The following NVL variants were observed in gnomAD, a reference collection of about 807,000 sequenced individuals.
NVL encodes nuclear VCP like.
A neutral mutation model predicts 110.2 loss-of-function variants in NVL; 84 were observed. That is an observed-to-expected ratio of 0.76 (90% CI 0.64 to 0.91). NVL has a LOEUF of 0.91. Among genes scored for constraint, NVL ranks in the 40% least tolerant of loss-of-function variants. The probability of loss-of-function intolerance (pLI) is 0.00; values close to 1 mark genes in which losing one functional copy is unlikely to be tolerated. For missense variants in NVL, 882 were observed against 1,035.9 expected (o/e 0.85, Z 2.04); for synonymous variants, 354 against 361.1 (o/e 0.98, Z 0.22).
chr1:224,227,732 C>A, intron 22 of NVL, 62 bp from the exon 23 acceptor site: 1 of 1,524,926 alleles, frequency 6.6e-7, no homozygotes, highest in Non-Finnish European at 9.0e-7. Flanking sequence ...CTGAATGGTG[C>A]CCCCCAAAAT....
chr1:224,301,600 G>C (rs1668415359), intron 9 of NVL: 1 of 228,632 alleles, frequency 4.4e-6, no homozygotes, highest in South Asian at 3.7e-5. Flanking sequence ...AGAGGAGTTT[G>C]AGACCAGCCT....
intron 18 of NVL, among the ~76,000 whole-genome samples, chr1:224,254,912 C>T (rs1338919058): frequency 2.2e-5 from 3 of 136,472 alleles, no homozygotes; most frequent in Admixed American, 1.6e-4. Context: ...GAGTCTCTGT[C>T]GCCAGGCTGG....
Position 224,288,008 on chromosome 1 carries a change from T to C in NVL, c.1576-15A>G, listed in dbSNP as rs758225637. 3.8e-6 allele frequency: 6 copies of C among 1,587,606 alleles called. No individual in the cohort carries two copies. The highest frequency in any genetic ancestry group is 1.1e-5 in the South Asian group (1 of 90,260). On this transcript the variant is annotated splice_polypyrimidine_tract_variant and intron_variant, in intron 13 of 22. Transcript: ENST00000281701. ...TGTAATTCATCCTTGAAGGGAACAA[T>C]AGAGGGGAAAAAAATAAAGAAACAC...
chr1:224,268,176 G>A (rs746291949), intron 17 of NVL, 43 bp from the exon 18 acceptor site: 3 of 1,310,382 alleles, frequency 2.3e-6, no homozygotes, highest in East Asian at 2.3e-5. Flanking sequence ...TCAATACAAA[G>A]GAAAAATACC....
chr1:224,301,227 T>C (rs1668376316), intron 9 of NVL, among the ~76,000 whole-genome samples: 1 of 152,202 alleles, frequency 6.6e-6, no homozygotes, highest in African/African-American at 2.4e-5. Context: ...GGGTCTTGAC[T>C]TTCAAGAGGT....
chr1:224,311,374 T>TA (rs1669506079), intron 5 of NVL, among the ~76,000 whole-genome samples: 1 of 151,562 alleles, frequency 6.6e-6, no homozygotes, highest in Non-Finnish European at 1.5e-5. Context: ...TTTTTTTTTT[T>TA]AAAAGGTAGG....
intron 17 of NVL, among the ~76,000 whole-genome samples, chr1:224,271,931 A>G (rs1320843952): frequency 3.3e-5 from 5 of 151,148 alleles, no homozygotes; most frequent in African/African-American, 7.3e-5. Context: ...GGAGAATCGC[A>G]TGAACCCAGG....
intron 11 of NVL, among the ~76,000 whole-genome samples, chr1:224,296,086 G>A (rs1174277573): frequency 1.3e-5 from 2 of 151,342 alleles, no homozygotes; most frequent in Non-Finnish European, 2.9e-5. Context: ...AGCTGTGATT[G>A]TGCCACTGCA....
chr1:224,300,059 G>A (rs939498283), intron 10 of NVL, among the ~76,000 whole-genome samples: 2 of 152,126 alleles, frequency 1.3e-5, no homozygotes, highest in Non-Finnish European at 2.9e-5. Flanking sequence ...GCACCATATC[G>A]AAGGTTTTAT....
intron 2 of NVL, among the ~76,000 whole-genome samples, chr1:224,321,819 T>A (rs1307221461): frequency 1.3e-5 from 2 of 149,870 alleles, no homozygotes; most frequent in African/African-American, 4.9e-5. Flanking sequence ...TGGATTAGGC[T>A]AGTATAGTAA....
At position 224,294,336 on chromosome 1, in the gene NVL, G is replaced by A. The variant is rs1667664232; in HGVS notation, c.1256C>T (p.Ala419Val). 2 of 1,614,128 alleles carry A rather than the reference G, an allele frequency of 1.2e-6. No homozygotes were observed. The highest frequency in any genetic ancestry group is 2.7e-5 in the African/African-American group (2 of 75,026). ...GTCGAACCTTCCCGCACGTCTCAAA[G>A]CAGGGTCTAACGAGTCTGGTCGATT... is the stretch of plus-strand genomic sequence containing the variant. Reference protein sequence around the residue: ...ATNRPDSLDPALRRAGRFDRE... With the variant: ...ATNRPDSLDPVLRRAGRFDRE... The change falls in exon 12 of 23, where the codon GCT (alanine) becomes GTT (valine). Residue 419 changes from alanine to valine, a missense_variant. This residue lies in a region of NVL where 416 missense variants were observed against 499.3 expected (regional missense o/e 0.83). Coordinates refer to ENST00000281701, the MANE Select transcript of NVL (RefSeq NM_002533.4).
chr1:224,239,142 CTACTT>C (rs1489607124), intron 19 of NVL, among the ~76,000 whole-genome samples: 1 of 152,036 alleles, frequency 6.6e-6, no homozygotes, highest in African/African-American at 2.4e-5. Context: ...ATCTCTAAAT[CTACTT>C]TACATTTACC....
At chr1:224,325,641 G>A (rs1313874213) in intron 2 of NVL, among the ~76,000 whole-genome samples, 1 of 152,128 alleles carries the variant, frequency 6.6e-6, no homozygotes, top group Non-Finnish European at 1.5e-5. Context: ...GCTGAGGCAG[G>A]AGAATTGCTT....
intron 4 of NVL, chr1:224,312,248 G>A (rs1409350881): frequency 6.4e-6 from 1 of 156,688 alleles, no homozygotes; most frequent in Admixed American, 6.5e-5. Context: ...AGGGATATCA[G>A]ATTCAGGTAG....
Position 224,320,956 on chromosome 1 carries a change from A to G in NVL, c.132-3026T>C, listed in dbSNP as rs1463334620. 2.6e-5 allele frequency among the ~76,000 whole-genome samples: 4 copies of G among 152,202 alleles called. No individual in the cohort carries two copies. The South Asian group carries it at 6.2e-4, about 24-fold the overall frequency. ...TATTGTACTAAATCATGACCATTTA[A>G]AAAGGCAACTTGGGGCCTGGCACGG... On this transcript the variant is annotated intron_variant, in intron 2 of 22. Transcript: ENST00000281701.
intron 10 of NVL, chr1:224,298,447 G>A (rs190292214): frequency 5.5e-5 from 9 of 163,588 alleles, no homozygotes; most frequent in African/African-American, 1.9e-4. Flanking sequence ...TCTAGGAGCC[G>A]AGGTAGCTTT....
intron 2 of NVL, among the ~76,000 whole-genome samples, chr1:224,319,285 G>T (rs996286566): frequency 6.6e-6 from 1 of 150,924 alleles, no homozygotes; most frequent in Non-Finnish European, 1.5e-5. Flanking sequence ...CCCAAAAAAT[G>T]GTCTTTATAG....
At chr1:224,295,752 T>G (rs1487912058) in intron 11 of NVL, among the ~76,000 whole-genome samples, 1 of 149,242 alleles carries the variant, frequency 6.7e-6, no homozygotes, top group Non-Finnish European at 1.5e-5. Flanking sequence ...CTGAGGCCAG[T>G]AGATCACCTG....
intron 19 of NVL, among the ~76,000 whole-genome samples, chr1:224,242,142 A>G (rs946106385): frequency 1.3e-5 from 2 of 152,164 alleles, no homozygotes; most frequent in African/African-American, 4.8e-5. Context: ...TGCCAGGGGT[A>G]GGGAAGAAGG....
Sources: gnomAD v4.1 joint callset for allele counts (sites outside exome capture counted in the v4.1 genomes callset) on GRCh38, gnomAD v4.1.1 for gene constraint, gnomAD v4.1.1 regional missense constraint, MANE v1.5 for transcripts, NCBI Gene and HGNC (gene_info 2026-07-23, HGNC 2026-07-21) for gene names.